The following OSBPL11 variants were observed in gnomAD, a reference collection of about 807,000 sequenced individuals.
The protein encoded by OSBPL11 is oxysterol-binding protein-related protein 11.
In OSBPL11, 33 loss-of-function variants were observed where a neutral mutation model predicts 84.4. The ratio of observed to expected loss-of-function variants is 0.39; its 90% CI spans 0.30 to 0.52. OSBPL11 has a LOEUF of 0.52. OSBPL11 is among the 20% of genes least tolerant of loss of function. The pLI is 0.72. For missense variants in OSBPL11, 736 were observed against 901.1 expected, an observed-to-expected ratio of 0.82 and a Z score of 2.35; for synonymous variants, 276 against 310.2, an observed-to-expected ratio of 0.89 and a Z score of 1.16.
intron 8 of OSBPL11, among the ~76,000 whole-genome samples, chr3:125,558,550 C>T (rs1256858688): frequency 2.0e-5 from 3 of 152,204 alleles, no homozygotes; most frequent in Non-Finnish European, 1.5e-5. Context: ...AATCTACCTT[C>T]AATGGCATCA....
At chr3:125,542,675 A>AT (rs1335928506) in intron 10 of OSBPL11, among the ~76,000 whole-genome samples, 2 of 151,480 alleles carry the variant, frequency 1.3e-5, no homozygotes, top group African/African-American at 4.9e-5. Flanking sequence ...CACCCGGTTA[A>AT]TTTTTTTTGT....
At chr3:125,540,958 T>C (rs929634285) in intron 10 of OSBPL11, among the ~76,000 whole-genome samples, 1 of 152,206 alleles carries the variant, frequency 6.6e-6, no homozygotes, top group Non-Finnish European at 1.5e-5. Flanking sequence ...CAGTGTAAGG[T>C]AATCATCACA....
intron 10 of OSBPL11, among the ~76,000 whole-genome samples, chr3:125,544,892 A>G (rs1249721675): frequency 6.6e-6 from 1 of 152,270 alleles, no homozygotes; most frequent in Non-Finnish European, 1.5e-5. Context: ...GTTAGCAAAG[A>G]GCTAAATCTT....
chr3:125,537,871 T>TCA (rs1235982233), intron 11 of OSBPL11, among the ~76,000 whole-genome samples: 2 of 152,352 alleles, frequency 1.3e-5, no homozygotes, highest in African/African-American at 4.8e-5. Context: ...ACTTTATTTT[T>TCA]CAAGGTCTAT....
rs192842588 is a variant in OSBPL11 at position 125,585,223 on chromosome 3, G to T, written c.165-2245C>A. On this transcript the variant is annotated intron_variant, in intron 1 of 12. Transcript: ENST00000296220. The stretch of plus-strand genomic sequence containing the variant: ...TCAGCTCACTGCAACCTTCGCCTCT[G>T]GGGCTCATGCGATTTTTCTGCCTCT... Among the ~76,000 whole-genome samples the T allele has an allele frequency of 5.4e-4, 82 of 152,176 alleles. 1 individual carries two copies. In the East Asian group the frequency reaches 0.015, roughly 29 times the overall value.
chr3:125,589,352 A>C (rs978389626), intron 1 of OSBPL11, among the ~76,000 whole-genome samples: 1 of 151,638 alleles, frequency 6.6e-6, no homozygotes, highest in Non-Finnish European at 1.5e-5. Flanking sequence ...CAAAAAAAAA[A>C]AAAAAAAACA....
chr3:125,538,309 A>T, intron 11 of OSBPL11, 142 bp downstream of exon 11: 1 of 685,232 alleles, frequency 1.5e-6, no homozygotes, highest in Non-Finnish European at 2.4e-6. Context: ...GGGGTTTAAC[A>T]ACAGATCAGA....
chr3:125,583,807 C>T (rs1226266817), intron 1 of OSBPL11, among the ~76,000 whole-genome samples: 3 of 152,074 alleles, frequency 2.0e-5, no homozygotes, highest in Non-Finnish European at 4.4e-5. Context: ...TGTAGAAATA[C>T]AGCCACTTGG....
chr3:125,565,500 T>C lies in OSBPL11; in HGVS notation c.869-1657A>G, dbSNP rs186597945. 4.9e-4 allele frequency among the ~76,000 whole-genome samples: 75 copies of C among 152,172 alleles called. No homozygotes were observed. The East Asian group carries it at 0.013, about 27-fold the overall frequency. On this transcript the variant is annotated intron_variant, in intron 6 of 12. Coordinates refer to ENST00000296220, the MANE Select transcript of OSBPL11 (RefSeq NM_022776.5). The stretch of plus-strand genomic sequence containing the variant: ...GCATATGATTGGAAAACATTTTTGA[T>C]GTAAAGTGAAAAAAGATACAAACGT...
chr3:125,542,907 A>G (rs1315935719), intron 10 of OSBPL11, among the ~76,000 whole-genome samples: 5 of 152,174 alleles, frequency 3.3e-5, no homozygotes, highest in African/African-American at 1.2e-4. Context: ...GGCCTCCCAA[A>G]GTGCTGAGAT....
At chr3:125,541,333 C>T (rs1161112404) in intron 10 of OSBPL11, among the ~76,000 whole-genome samples, 1 of 152,100 alleles carries the variant, frequency 6.6e-6, no homozygotes, top group Non-Finnish European at 1.5e-5. Flanking sequence ...ATAACTGTTG[C>T]CTGAATTAAT....
intron 9 of OSBPL11, among the ~76,000 whole-genome samples, chr3:125,551,734 C>G (rs984716314): frequency 1.3e-5 from 2 of 151,884 alleles, no homozygotes; most frequent in African/African-American, 4.8e-5. Context: ...GCGGAGATAG[C>G]ACCATTGCAC....
chr3:125,541,177 G>C (rs903182612), intron 10 of OSBPL11, among the ~76,000 whole-genome samples: 1 of 152,170 alleles, frequency 6.6e-6, no homozygotes, highest in Non-Finnish European at 1.5e-5. Context: ...TGTCCTTAGG[G>C]AACTGATCAC....
In OSBPL11 at chr3:125,529,256, A is replaced by G. The variant is rs1464535691; in HGVS notation, c.*1259T>C. Reference sequence around the variant, plus strand: ...GCAGTAACAAGTGTTGAGCACCATAATAAGTAGGTGCTCAATAAATACATG... The same window carrying G: ...GCAGTAACAAGTGTTGAGCACCATAGTAAGTAGGTGCTCAATAAATACATG... On this transcript the variant is annotated 3_prime_UTR_variant, in exon 13 of 13. Coordinates refer to ENST00000296220, the MANE Select transcript of OSBPL11 (RefSeq NM_022776.5). The G allele has an allele frequency of 6.6e-6, 1 of 152,512 alleles. No homozygotes were observed. Among genetic ancestry groups the G allele is most frequent in the African/African-American group, 2.4e-5 (1 of 41,466 alleles). 9.4% of individuals were successfully genotyped at this position (152,512 alleles called of 1,614,324 possible). A position where few individuals can be genotyped will look rare whatever the true frequency, so the allele number is the denominator to read the frequency against.
chr3:125,594,389 C>T (rs1936647871), intron 1 of OSBPL11, among the ~76,000 whole-genome samples: 1 of 152,346 alleles, frequency 6.6e-6, no homozygotes, highest in East Asian at 1.9e-4. Context: ...CATTAACTCT[C>T]TGACTGTAGA....
chr3:125,567,810 T>C (rs1343530232), intron 5 of OSBPL11, among the ~76,000 whole-genome samples: 2 of 151,664 alleles, frequency 1.3e-5, no homozygotes, highest in African/African-American at 2.4e-5. Context: ...CTAGGCAACA[T>C]AGCAAGACCC....
intron 11 of OSBPL11, among the ~76,000 whole-genome samples, chr3:125,537,953 C>G (rs1378584581): frequency 6.6e-6 from 1 of 152,068 alleles, no homozygotes; most frequent in Non-Finnish European, 1.5e-5. Flanking sequence ...ATGAAAATGC[C>G]CATTTGCTCA....
intron 5 of OSBPL11, among the ~76,000 whole-genome samples, chr3:125,569,841 C>T (rs766564291): frequency 6.6e-6 from 1 of 152,160 alleles, no homozygotes; most frequent in African/African-American, 2.4e-5. Context: ...CTATATGATT[C>T]CAGTTTTAGA....
At chr3:125,547,695 T>G in intron 9 of OSBPL11, 103 bp from the exon 10 acceptor site, 1 of 887,984 alleles carries the variant, frequency 1.1e-6, no homozygotes, top group Non-Finnish European at 1.7e-6. Context: ...GCATCATTAT[T>G]TTTCCTAACC....
Sources: allele counts gnomAD v4.1 joint callset (sites outside exome capture counted in the v4.1 genomes callset), GRCh38; gene constraint gnomAD v4.1.1; transcripts MANE v1.5; gene names NCBI Gene and HGNC (gene_info 2026-07-23, HGNC 2026-07-21).